LRRC4C: variants seen among roughly 807,000 people sequenced by gnomAD.
LRRC4C encodes the protein leucine rich repeat containing 4C, also known as leucine-rich repeat-containing protein 4C.
A neutral mutation model predicts 33.6 loss-of-function variants in LRRC4C; 5 were observed. The observed-to-expected ratio is 0.15, with a 90% CI of 0.08 to 0.31. The LOEUF (loss-of-function observed/expected upper bound fraction) is 0.31, where lower values mean the gene tolerates loss of function less well. Among genes scored for constraint, LRRC4C ranks in the 10% least tolerant of loss-of-function variants. The pLI is 1.00. For missense variants in LRRC4C, 560 were observed against 796.7 expected, an observed-to-expected ratio of 0.70 and a Z score of 3.58; for synonymous variants, 329 against 302.0, an observed-to-expected ratio of 1.09 and a Z score of -0.93.
chr11:40,237,253 C>T (rs1305486172), intron 5 of LRRC4C, among the ~76,000 whole-genome samples: 1 of 152,130 alleles, frequency 6.6e-6, no homozygotes, highest in Non-Finnish European at 1.5e-5. Context: ...AACTTTTACC[C>T]AATTCTCATC....
At chr11:40,131,025 C>T (rs11035707) in intron 6 of LRRC4C, among the ~76,000 whole-genome samples, 7,131 of 152,180 alleles carry the variant, frequency 0.047, 230 homozygotes, top group Middle Eastern at 0.075. Context: ...ACCAAATCCA[C>T]GTTTGCATGT....
At chr11:40,733,187 T>C (rs1947691943) in intron 2 of LRRC4C, among the ~76,000 whole-genome samples, 1 of 140,680 alleles carries the variant, frequency 7.1e-6, no homozygotes, top group Non-Finnish European at 1.5e-5. Flanking sequence ...GCTATTCTCC[T>C]GCCTCAGCCT....
chr11:41,411,999 T>G (rs1457559363), intron 1 of LRRC4C, among the ~76,000 whole-genome samples: 1 of 152,158 alleles, frequency 6.6e-6, no homozygotes, highest in Non-Finnish European at 1.5e-5. Context: ...CAAATATTTG[T>G]AAAAATAAAA....
intron 2 of LRRC4C, among the ~76,000 whole-genome samples, chr11:40,889,519 C>A (rs1014875153): frequency 9.9e-5 from 15 of 151,840 alleles, no homozygotes; most frequent in Non-Finnish European, 1.3e-4. Flanking sequence ...AAAAACAGAG[C>A]CATTCTTGAT....
At chr11:40,852,953 G>A (rs1005578088) in intron 2 of LRRC4C, among the ~76,000 whole-genome samples, 1 of 152,140 alleles carries the variant, frequency 6.6e-6, no homozygotes, top group African/African-American at 2.4e-5. Flanking sequence ...TTTTGAATAA[G>A]AGCTGATATG....
chr11:41,040,605 T>C (rs1857374080), intron 1 of LRRC4C, among the ~76,000 whole-genome samples: 1 of 152,220 alleles, frequency 6.6e-6, no homozygotes, highest in Non-Finnish European at 1.5e-5. Flanking sequence ...TCAGCCTCCA[T>C]ACTTTAGCCA....
intron 1 of LRRC4C, among the ~76,000 whole-genome samples, chr11:40,940,638 C>T (rs1958098338): frequency 6.6e-6 from 1 of 152,104 alleles, no homozygotes; most frequent in African/African-American, 2.4e-5. Flanking sequence ...ATTCCTTCTT[C>T]CTTAAAACCT....
intron 1 of LRRC4C, among the ~76,000 whole-genome samples, chr11:41,210,743 G>A (rs1458376112): frequency 6.6e-6 from 1 of 152,186 alleles, no homozygotes; most frequent in African/African-American, 2.4e-5. Flanking sequence ...TTCAAAGTCT[G>A]TGGAAAGAAA....
intron 3 of LRRC4C, among the ~76,000 whole-genome samples, chr11:40,615,919 T>C (rs1310156928): frequency 4.0e-5 from 6 of 151,840 alleles, no homozygotes; most frequent in Admixed American, 3.9e-4. Flanking sequence ...AATCTAAACC[T>C]GGAATTGAAT....
Position 41,309,021 on chromosome 11 carries a change from C to T in LRRC4C, c.-496+150410G>A, listed in dbSNP as rs1950578668. ...GTTTCTTCATGTTGGTCAGGCTGGTCTCGAACTGCCAACCTCAGGTGATCT... is the reference window on the plus strand; with the variant it reads ...GTTTCTTCATGTTGGTCAGGCTGGTTTCGAACTGCCAACCTCAGGTGATCT... On this transcript the variant is annotated intron_variant, in intron 1 of 6. Coordinates refer to ENST00000528697, the MANE Select transcript of LRRC4C (RefSeq NM_001258419.2). Among the ~76,000 whole-genome samples, 4 of 152,270 alleles carry T rather than the reference C, an allele frequency of 2.6e-5. No homozygotes were observed. The South Asian group carries it at 8.3e-4, about 32-fold the overall frequency.
At chr11:40,896,256 T>C (rs139669948) in intron 2 of LRRC4C, among the ~76,000 whole-genome samples, 1 of 152,274 alleles carries the variant, frequency 6.6e-6, no homozygotes, top group Non-Finnish European at 1.5e-5. Context: ...AAGGGATTCT[T>C]TGCCCTGCAC....
chr11:40,984,363 AAAAGAAAGAAAG>A (rs61226519), intron 1 of LRRC4C, among the ~76,000 whole-genome samples: 3,840 of 120,316 alleles, frequency 0.032, 70 homozygotes, highest in African/African-American at 0.048. Context: ...AAAGAAAGAA[AAAAGAAAGAAAG>A]AAAGAAAGAA....
At chr11:41,387,955 T>C (rs1437039332) in intron 1 of LRRC4C, among the ~76,000 whole-genome samples, 1 of 151,860 alleles carries the variant, frequency 6.6e-6, no homozygotes, top group Non-Finnish European at 1.5e-5. Context: ...TTCCTTGATA[T>C]CTTTTTAAAA....
intron 3 of LRRC4C, among the ~76,000 whole-genome samples, chr11:40,534,247 T>G (rs1036713658): frequency 6.8e-6 from 1 of 147,824 alleles, no homozygotes. Context: ...TGCTTTTTGC[T>G]ACCATTGTTA....
At chr11:40,450,490 C>A (rs185180118) in intron 3 of LRRC4C, among the ~76,000 whole-genome samples, 2 of 151,990 alleles carry the variant, frequency 1.3e-5, no homozygotes, top group Admixed American at 1.3e-4. Context: ...ACAAAGACAA[C>A]AATGACCTTA....
In LRRC4C at chr11:41,261,304, G is replaced by A. The variant is rs113519943; in HGVS notation, c.-496+198127C>T. Among the ~76,000 whole-genome samples the A allele has an allele frequency of 8.5e-3, 1,287 of 152,066 alleles. 24 individuals are homozygous for A. The highest frequency in any genetic ancestry group is 0.029 in the African/African-American group (1,218 of 41,480). ...CTGAAGTCTTGGTTTTAAACTTCCTGGCCTTCAGAACAGTTGAAGAATAAA... is the reference window on the plus strand; with the variant it reads ...CTGAAGTCTTGGTTTTAAACTTCCTAGCCTTCAGAACAGTTGAAGAATAAA... On this transcript the variant is annotated intron_variant, in intron 1 of 6. Transcript: ENST00000528697.
intron 1 of LRRC4C, among the ~76,000 whole-genome samples, chr11:41,010,581 G>A (rs1855098288): frequency 6.6e-6 from 1 of 152,178 alleles, no homozygotes; most frequent in Admixed American, 6.5e-5. Context: ...AAACAATGCT[G>A]TGCCTGAGAA....
chr11:40,356,114 G>T (rs1029915673), intron 3 of LRRC4C, among the ~76,000 whole-genome samples: 1 of 152,094 alleles, frequency 6.6e-6, no homozygotes, highest in East Asian at 1.9e-4. Flanking sequence ...CGGCTGTAAA[G>T]TCAGTTTGAT....
chr11:40,520,579 T>A (rs192757886), intron 3 of LRRC4C, among the ~76,000 whole-genome samples: 141 of 152,322 alleles, frequency 9.3e-4, no homozygotes, highest in African/African-American at 3.2e-3. Context: ...GCTATTTATA[T>A]GGGTTTGTGG....
Sources: allele counts gnomAD v4.1 joint callset (sites outside exome capture counted in the v4.1 genomes callset), GRCh38; gene constraint gnomAD v4.1.1; transcripts MANE v1.5; gene names NCBI Gene and HGNC (gene_info 2026-07-23, HGNC 2026-07-21).